The following PDE10A variants were observed in gnomAD, a reference collection of about 807,000 sequenced individuals.
PDE10A encodes the protein phosphodiesterase 10A.
In PDE10A, 39 loss-of-function variants were observed where a neutral mutation model predicts 97.7. The ratio of observed to expected loss-of-function variants is 0.40; its 90% CI spans 0.31 to 0.52. PDE10A has a LOEUF of 0.52. Ranked by LOEUF, PDE10A falls within the 20% of genes least tolerant of loss-of-function variation. The probability of loss-of-function intolerance (pLI) is 0.56; values close to 1 mark genes in which losing one functional copy is unlikely to be tolerated. For missense variants in PDE10A, 731 were observed against 1,047.8 expected (o/e 0.70, Z 4.17); for synonymous variants, 371 against 376.8 (o/e 0.98, Z 0.18).
chr6:165,954,391 A>T (rs1043021827), intron 1 of PDE10A, among the ~76,000 whole-genome samples: 3 of 152,344 alleles, frequency 2.0e-5, no homozygotes, highest in Non-Finnish European at 4.4e-5. Context: ...CATGTCTTAA[A>T]GATCACACAC....
At chr6:165,782,703 C>G (rs1350386770) in intron 1 of PDE10A, among the ~76,000 whole-genome samples, 3 of 152,180 alleles carry the variant, frequency 2.0e-5, no homozygotes. Context: ...ACTAAGATGC[C>G]TATTCCAAAG....
At chr6:165,962,264 A>G (rs1415375089) in intron 1 of PDE10A, among the ~76,000 whole-genome samples, 1 of 152,234 alleles carries the variant, frequency 6.6e-6, no homozygotes, top group African/African-American at 2.4e-5. Context: ...CAGGGGCCCC[A>G]CTACAGGGAA....
intron 1 of PDE10A, among the ~76,000 whole-genome samples, chr6:165,776,238 G>A (rs1341334098): frequency 6.6e-6 from 1 of 152,192 alleles, no homozygotes; most frequent in South Asian, 2.1e-4. Context: ...TTATGCATAT[G>A]TATAACACAC....
At chr6:165,696,100 G>A (rs1243952371) in intron 1 of PDE10A, among the ~76,000 whole-genome samples, 1 of 152,050 alleles carries the variant, frequency 6.6e-6, no homozygotes. Flanking sequence ...CTGTGTGTTG[G>A]TGTTGGGGAG....
chr6:165,362,454 A>C (rs2128193780), intron 18 of PDE10A, among the ~76,000 whole-genome samples: 1 of 152,346 alleles, frequency 6.6e-6, no homozygotes, highest in Non-Finnish European at 1.5e-5. Flanking sequence ...AAAGTAGACA[A>C]GTTAGTTGAA....
At chr6:165,956,420 A>T (rs1448673705) in intron 1 of PDE10A, among the ~76,000 whole-genome samples, 1 of 152,252 alleles carries the variant, frequency 6.6e-6, no homozygotes, top group Non-Finnish European at 1.5e-5. Context: ...AAGTGGGTCT[A>T]ACAGTGTTTA....
intron 1 of PDE10A, among the ~76,000 whole-genome samples, chr6:165,891,218 T>C (rs913255559): frequency 3.3e-5 from 5 of 152,222 alleles, no homozygotes; most frequent in African/African-American, 1.2e-4. Flanking sequence ...CAATTCTACA[T>C]GTAAATGATA....
intron 1 of PDE10A, among the ~76,000 whole-genome samples, chr6:165,980,312 T>C (rs958038657): frequency 1.3e-5 from 2 of 152,246 alleles, no homozygotes; most frequent in African/African-American, 2.4e-5. Context: ...ATCATTTCTT[T>C]GACTCAACTT....
intron 1 of PDE10A, among the ~76,000 whole-genome samples, chr6:165,649,009 C>T (rs1424345711): frequency 1.3e-5 from 2 of 152,106 alleles, no homozygotes; most frequent in African/African-American, 2.4e-5. Flanking sequence ...AGGGTTTTCC[C>T]CAGAACAGTC....
intron 1 of PDE10A, among the ~76,000 whole-genome samples, chr6:165,985,067 G>T (rs1785145584): frequency 6.6e-6 from 1 of 152,192 alleles, no homozygotes; most frequent in South Asian, 2.1e-4. Flanking sequence ...GCCCAGCTCG[G>T]CCCCTGCCAC....
At chr6:165,778,334 T>C (rs900010225) in intron 1 of PDE10A, among the ~76,000 whole-genome samples, 3 of 152,202 alleles carry the variant, frequency 2.0e-5, no homozygotes, top group Non-Finnish European at 4.4e-5. Context: ...CCTCCCAAAG[T>C]GCTGGGATTA....
At position 165,551,289 on chromosome 6, in the gene PDE10A, C is replaced by T. The variant is rs116036285; in HGVS notation, c.866-7721G>A. Among the ~76,000 whole-genome samples, 325 of 152,324 alleles carry T rather than the reference C, an allele frequency of 2.1e-3. 2 individuals are homozygous for T. Among genetic ancestry groups the T allele is most frequent in the Middle Eastern group, 6.8e-3 (2 of 294 alleles). On this transcript the variant is annotated intron_variant, in intron 1 of 21. Coordinates refer to ENST00000539869, the MANE Select transcript of PDE10A (RefSeq NM_001385079.1). ...AAAATTCAACTTCATACACCTCCTT[C>T]TCTGTATTTACCTCTCATGCATTTA...
chr6:165,712,631 C>CCT (rs1791924389), intron 1 of PDE10A, among the ~76,000 whole-genome samples: 1 of 88,974 alleles, frequency 1.1e-5, no homozygotes, highest in East Asian at 3.4e-4. Flanking sequence ...AACTTTCTTT[C>CCT]TTTTTTTTTT....
chr6:165,613,175 C>T (rs1376339949), intron 1 of PDE10A, among the ~76,000 whole-genome samples: 1 of 151,928 alleles, frequency 6.6e-6, no homozygotes, highest in Non-Finnish European at 1.5e-5. Context: ...ATTAGTTTTC[C>T]AATAGCAACT....
chr6:165,902,661 A>G (rs921832885), intron 1 of PDE10A, among the ~76,000 whole-genome samples: 3 of 152,188 alleles, frequency 2.0e-5, no homozygotes, highest in African/African-American at 7.2e-5. Flanking sequence ...ACCCACCAGC[A>G]ATGATATTTC....
chr6:165,738,973 T>G (rs567228765), intron 1 of PDE10A, among the ~76,000 whole-genome samples: 1 of 152,132 alleles, frequency 6.6e-6, no homozygotes, highest in Non-Finnish European at 1.5e-5. Flanking sequence ...CTACAGAACA[T>G]TGATAAAAGA....
intron 1 of PDE10A, among the ~76,000 whole-genome samples, chr6:165,563,894 A>G (rs1343148999): frequency 6.6e-6 from 1 of 152,086 alleles, no homozygotes; most frequent in African/African-American, 2.4e-5. Flanking sequence ...GTCTCAAAAA[A>G]AAAAAAAAGG....
intron 1 of PDE10A, among the ~76,000 whole-genome samples, chr6:165,820,658 G>C (rs1323296127): frequency 1.3e-5 from 2 of 152,164 alleles, no homozygotes; most frequent in Admixed American, 6.5e-5. Context: ...ATATGCACAA[G>C]AAACTACCTT....
intron 1 of PDE10A, among the ~76,000 whole-genome samples, chr6:165,712,920 A>G (rs1053742861): frequency 1.3e-5 from 2 of 152,176 alleles, no homozygotes; most frequent in African/African-American, 2.4e-5. Flanking sequence ...GATTACAGGC[A>G]TGAGCCACCG....
Sources: allele counts gnomAD v4.1 joint callset (sites outside exome capture counted in the v4.1 genomes callset), GRCh38; gene constraint gnomAD v4.1.1; transcripts MANE v1.5; gene names NCBI Gene and HGNC (gene_info 2026-07-23, HGNC 2026-07-21).